TINCR: variants seen among roughly 807,000 people sequenced by gnomAD.
TINCR encodes TINCR-encoded ubiquitin-like protein.
downstream of TINCR, chr19:5,558,794 C>G (rs895568353): frequency 3.9e-5 from 6 of 152,208 alleles, no homozygotes; most frequent in African/African-American, 1.4e-4. Context: ...AGGCCCATGC[C>G]TCAGTTTCCC....
Position 5,565,996 on chromosome 19 carries a change from C to A in TINCR, c.260+1669G>T, listed in dbSNP as rs570302749. Among the ~76,000 whole-genome samples the A allele has an allele frequency of 2.6e-5, 4 of 152,312 alleles. No individual in the cohort carries two copies. The highest frequency in any genetic ancestry group is 9.6e-5 in the African/African-American group (4 of 41,568). On this transcript the variant is annotated intron_variant, in intron 1 of 1. Coordinates refer to ENST00000646160, the Ensembl canonical transcript of TINCR. The surrounding 1 kb of genome is among the most constrained non-coding windows in gnomAD (Gnocchi z 4.0). ...CAGTGAGCTGTTCCCGTGGCCCCAG[C>A]GCCCTTCTCTGCAGACCCCTCCTTG...
rs993299281 is a variant in TINCR at position 5,565,975 on chromosome 19, G to A, written c.260+1690C>T. 1.1e-4 allele frequency among the ~76,000 whole-genome samples: 16 copies of A among 152,190 alleles called. 1 individual carries two copies. Among genetic ancestry groups the A allele is most frequent in the Admixed American group, 5.9e-4 (9 of 15,280 alleles). ...CCCAGAGCTGCCCCAGGCCGGCAGTGAGCTGTTCCCGTGGCCCCAGCGCCC... is the reference window on the plus strand; with the variant it reads ...CCCAGAGCTGCCCCAGGCCGGCAGTAAGCTGTTCCCGTGGCCCCAGCGCCC... On this transcript the variant is annotated intron_variant, in intron 1 of 1. Transcript: ENST00000646160. This position sits in a 1 kb window ranked among gnomAD's most constrained non-coding sequence, Gnocchi z 4.0.
At chr19:5,564,522 T>C (rs7246801) in intron 1 of TINCR, among the ~76,000 whole-genome samples, 26,201 of 152,076 alleles carry the variant, frequency 0.17, 2,371 homozygotes, top group Middle Eastern at 0.26. Context: ...TGGTCAGGGA[T>C]GGGCAAGGGG....
At chr19:5,567,497 A>G (rs1482500374) in intron 1 of TINCR, among the ~76,000 whole-genome samples, 168 bp downstream of exon 1, 1 of 152,240 alleles carries the variant, frequency 6.6e-6, no homozygotes, top group Non-Finnish European at 1.5e-5. Flanking sequence ...CCCGAAAGCA[A>G]GACCTGACAC....
At chr19:5,566,230 A>G (rs2052128090) in intron 1 of TINCR, among the ~76,000 whole-genome samples, 1 of 152,134 alleles carries the variant, frequency 6.6e-6, no homozygotes, top group Non-Finnish European at 1.5e-5. Flanking sequence ...CAGAGAGATA[A>G]AGAGACACAG....
downstream of TINCR, chr19:5,561,643 C>T (rs2052102496): frequency 1.3e-5 from 2 of 152,270 alleles, no homozygotes; most frequent in African/African-American, 4.8e-5. Context: ...TGCTCTGTCG[C>T]CAGGCTGGAG....
exon 1 of TINCR, chr19:5,567,888 G>C: frequency 2.6e-6 from 1 of 389,986 alleles, no homozygotes. Flanking sequence ...ATGTGGTAGC[G>C]CTTCCAGCGC....
intron 1 of TINCR, among the ~76,000 whole-genome samples, chr19:5,566,098 T>C (rs576842598): frequency 6.6e-6 from 1 of 151,948 alleles, no homozygotes; most frequent in African/African-American, 2.4e-5. Context: ...AGTGTGAGTG[T>C]GGGTAACGGA....
Position 5,565,627 on chromosome 19 carries a change from C to G in TINCR, c.260+2038G>C, listed in dbSNP as rs1001834253. 2.0e-5 allele frequency among the ~76,000 whole-genome samples: 3 copies of G among 152,088 alleles called. No individual in the cohort carries two copies. The highest frequency in any genetic ancestry group is 2.1e-4 in the South Asian group (1 of 4,830). Reference sequence around the variant, plus strand: ...CCTCTCCTAGCCCCAAGCTCTGAACCTCCATCCCTCATCATCCTCTCAGCC... The same window carrying G: ...CCTCTCCTAGCCCCAAGCTCTGAACGTCCATCCCTCATCATCCTCTCAGCC... On this transcript the variant is annotated intron_variant, in intron 1 of 1. Transcript: ENST00000646160. The surrounding 1 kb of genome is among the most constrained non-coding windows in gnomAD (Gnocchi z 4.0).
In TINCR at chr19:5,567,858, C is replaced by A. The variant is rs887313204; in HGVS notation, c.67G>T (p.Glu23Ter). The A allele has an allele frequency of 5.1e-6, 2 of 393,220 alleles. No homozygotes were observed. Among genetic ancestry groups the A allele is most frequent in the Non-Finnish European group, 9.0e-6 (2 of 222,552 alleles). 24.4% of individuals were successfully genotyped at this position (393,220 alleles called of 1,614,324 possible). Residue 23 changes from glutamate to a stop codon, truncating the protein, a stop_gained, in exon 1 of 2, where the codon GAG becomes TAG. Transcript: ENST00000646160. LOFTEE classifies it high-confidence loss of function. ...ACGGTCAGCGGTAGCAGCAGCGCCT[C>A]GTCCGCCAGGTGCACCTTGATGTGG... is the stretch of plus-strand genomic sequence containing the variant.
At chr19:5,564,064 C>T (rs2052115254) in intron 1 of TINCR, among the ~76,000 whole-genome samples, 2 of 152,270 alleles carry the variant, frequency 1.3e-5, no homozygotes, top group East Asian at 3.9e-4. Context: ...CTCCCTGCAA[C>T]GCTGCTGCCT....
intron 1 of TINCR, 106 bp downstream of exon 1, chr19:5,567,559 G>A (rs1051107245): frequency 5.4e-6 from 2 of 371,398 alleles, no homozygotes; most frequent in Non-Finnish European, 9.6e-6. Context: ...AGGTGGGAAA[G>A]CAGTGCCGGC....
chr19:5,561,391 G>A (rs1018449193), downstream of TINCR: 1 of 153,736 alleles, frequency 6.5e-6, no homozygotes, highest in African/African-American at 2.4e-5. Flanking sequence ...CCACCTGGGA[G>A]CCCAGACCCT....
At chr19:5,567,453 A>G (rs1312150181) in intron 1 of TINCR, among the ~76,000 whole-genome samples, 1 of 152,264 alleles carries the variant, frequency 6.6e-6, no homozygotes, top group Non-Finnish European at 1.5e-5. Context: ...CAGCAGAGAC[A>G]GAAACAGGCA....
chr19:5,561,068 T>C (rs2052099670), downstream of TINCR: 1 of 153,990 alleles, frequency 6.5e-6, no homozygotes, highest in Non-Finnish European at 1.5e-5. Context: ...GCTGGGAAAA[T>C]GTCCTGGGCA....
downstream of TINCR, chr19:5,562,073 A>G (rs2288946): frequency 2.0e-5 from 3 of 152,528 alleles, no homozygotes; most frequent in East Asian, 3.9e-4. This position sits in a 1 kb window ranked among gnomAD's most constrained non-coding sequence, Gnocchi z 4.4. Context: ...AACTACTACA[A>G]TTACTTACCT....
downstream of TINCR, chr19:5,560,757 T>G (rs915240404): frequency 6.6e-6 from 1 of 152,328 alleles, no homozygotes; most frequent in East Asian, 1.9e-4. This position sits in a 1 kb window ranked among gnomAD's most constrained non-coding sequence, Gnocchi z 4.5. Context: ...AGGTGCCTCC[T>G]GGGGAGGTAT....
At chr19:5,567,299 A>G (rs990676553) in intron 1 of TINCR, among the ~76,000 whole-genome samples, 1 of 152,102 alleles carries the variant, frequency 6.6e-6, no homozygotes, top group African/African-American at 2.4e-5. Flanking sequence ...AGGCACAGAG[A>G]TAAGAGTCAG....
At chr19:5,564,108 CAG>C (rs2052115446) in intron 1 of TINCR, among the ~76,000 whole-genome samples, 2 of 152,042 alleles carry the variant, frequency 1.3e-5, no homozygotes, top group African/African-American at 4.8e-5. Flanking sequence ...CTGCATTTCA[CAG>C]AGTGTAGAAA....
Sources: allele counts gnomAD v4.1 joint callset (sites outside exome capture counted in the v4.1 genomes callset), GRCh38; gene constraint gnomAD v4.1.1; non-coding constraint Gnocchi (gnomAD v3.1); transcripts MANE v1.5; gene names NCBI Gene and HGNC (gene_info 2026-07-23, HGNC 2026-07-21).